MAPK10: variants seen among roughly 807,000 people sequenced by gnomAD.
MAPK10 encodes the protein mitogen-activated protein kinase 10.
Under a neutral mutation model 59.3 loss-of-function variants are expected in MAPK10, and 25 were observed. The observed-to-expected ratio is 0.42, with a 90% CI of 0.31 to 0.59. MAPK10 has a LOEUF of 0.59. MAPK10 is among the 20% of genes least tolerant of loss of function. The probability of loss-of-function intolerance (pLI) is 0.15; values close to 1 mark genes in which losing one functional copy is unlikely to be tolerated. For synonymous variants in MAPK10, 190 were observed against 200.5 expected, an observed-to-expected ratio of 0.95 and a Z score of 0.44; for missense variants, 351 against 568.9, an observed-to-expected ratio of 0.62 and a Z score of 3.90.
At chr4:86,258,243 C>A (rs1038573523) in intron 2 of MAPK10, among the ~76,000 whole-genome samples, 1 of 152,138 alleles carries the variant, frequency 6.6e-6, no homozygotes, top group Non-Finnish European at 1.5e-5. Context: ...CGAAAGTCAT[C>A]ATTTGCCTCT....
chr4:86,093,014 T>C (rs895307719), intron 9 of MAPK10, among the ~76,000 whole-genome samples: 3 of 152,040 alleles, frequency 2.0e-5, no homozygotes, highest in Non-Finnish European at 2.9e-5. Flanking sequence ...AGTGAGAACC[T>C]CTGAAAATCT....
intron 2 of MAPK10, among the ~76,000 whole-genome samples, chr4:86,238,689 T>A (rs2092476245): frequency 3.3e-5 from 5 of 152,228 alleles, no homozygotes; most frequent in Non-Finnish European, 1.5e-5. Flanking sequence ...TTTTTGCACA[T>A]TGATTTTGTA....
chr4:86,426,209 G>C (rs1052651141), intron 1 of MAPK10, among the ~76,000 whole-genome samples: 1 of 151,988 alleles, frequency 6.6e-6, no homozygotes, highest in Admixed American at 6.6e-5. Context: ...TGAATACAAC[G>C]CTAAAATTTT....
At chr4:86,436,816 G>T (rs2149044738) in intron 1 of MAPK10, among the ~76,000 whole-genome samples, 1 of 151,978 alleles carries the variant, frequency 6.6e-6, no homozygotes, top group African/African-American at 2.4e-5. Flanking sequence ...TTATTTCCCT[G>T]GTAGGGACCT....
chr4:86,359,246 T>C, intron 1 of MAPK10, among the ~76,000 whole-genome samples: 1 of 144,950 alleles, frequency 6.9e-6, no homozygotes, highest in Non-Finnish European at 1.5e-5. Flanking sequence ...AGCACAGCTG[T>C]TTGGTGTTTT....
chr4:86,198,963 G>A (rs919713171), intron 2 of MAPK10, among the ~76,000 whole-genome samples: 12 of 151,774 alleles, frequency 7.9e-5, no homozygotes, highest in Non-Finnish European at 1.6e-4. Flanking sequence ...AAATATATGC[G>A]TACCTTAAAA....
At chr4:86,415,667 A>G (rs1254227962) in intron 1 of MAPK10, among the ~76,000 whole-genome samples, 1 of 152,204 alleles carries the variant, frequency 6.6e-6, no homozygotes, top group Non-Finnish European at 1.5e-5. Context: ...AGCTAGCCCA[A>G]ATGGCTCAAA....
At chr4:86,130,627 T>C (rs2060835162) in intron 4 of MAPK10, among the ~76,000 whole-genome samples, 1 of 152,054 alleles carries the variant, frequency 6.6e-6, no homozygotes, top group Non-Finnish European at 1.5e-5. Context: ...GCAGGGAAAG[T>C]AGATTAAAGG....
intron 9 of MAPK10, among the ~76,000 whole-genome samples, chr4:86,076,698 T>A (rs2049560157): frequency 6.6e-6 from 1 of 152,134 alleles, no homozygotes; most frequent in Non-Finnish European, 1.5e-5. Context: ...ATATAGAAAA[T>A]AAGGTGATTT....
intron 1 of MAPK10, among the ~76,000 whole-genome samples, chr4:86,447,176 G>A (rs1296459250): frequency 6.6e-6 from 1 of 152,134 alleles, no homozygotes; most frequent in Non-Finnish European, 1.5e-5. Context: ...ATTGGATCAT[G>A]GGGGCAGTTT....
intron 1 of MAPK10, among the ~76,000 whole-genome samples, chr4:86,468,038 C>G (rs1036329216): frequency 2.6e-5 from 4 of 152,208 alleles, no homozygotes; most frequent in Admixed American, 2.0e-4. Flanking sequence ...GAACAAAATG[C>G]TTGCTAACCA....
chr4:86,128,739 AT>A (rs1328649283), intron 4 of MAPK10, among the ~76,000 whole-genome samples: 7 of 152,080 alleles, frequency 4.6e-5, no homozygotes, highest in Non-Finnish European at 8.8e-5. Context: ...TAAGAAGTAA[AT>A]TTTTTATTAT....
intron 2 of MAPK10, among the ~76,000 whole-genome samples, chr4:86,263,132 G>C (rs2094079241): frequency 6.6e-6 from 1 of 152,124 alleles, no homozygotes; most frequent in South Asian, 2.1e-4. Context: ...ACCATGTCAG[G>C]TGTATGAGTG....
At chr4:86,144,944 G>A (rs2064524316) in intron 4 of MAPK10, among the ~76,000 whole-genome samples, 1 of 152,062 alleles carries the variant, frequency 6.6e-6, no homozygotes, top group South Asian at 2.1e-4. Context: ...TATGGACACA[G>A]TAGCTAAGTC....
chr4:86,069,744 C>T (rs985980348), intron 9 of MAPK10, among the ~76,000 whole-genome samples: 1 of 151,972 alleles, frequency 6.6e-6, no homozygotes, highest in African/African-American at 2.4e-5. Flanking sequence ...TCTAACCACT[C>T]GATGTCAAAC....
intron 1 of MAPK10, among the ~76,000 whole-genome samples, chr4:86,574,148 A>G (rs1363772655): frequency 6.6e-6 from 1 of 151,746 alleles, no homozygotes; most frequent in East Asian, 1.9e-4. Context: ...GAGTGAGAAC[A>G]TGCGGTGTTT....
At chr4:86,035,734 C>G (rs143783476) in intron 11 of MAPK10, among the ~76,000 whole-genome samples, 1 of 152,140 alleles carries the variant, frequency 6.6e-6, no homozygotes, top group East Asian at 1.9e-4. Context: ...GGAAGATGAT[C>G]GTGTTGGTGA....
At chr4:86,274,204 T>C (rs2094508612) in intron 2 of MAPK10, among the ~76,000 whole-genome samples, 2 of 152,036 alleles carry the variant, frequency 1.3e-5, no homozygotes, top group African/African-American at 4.8e-5. Flanking sequence ...TAATAAGATA[T>C]TAATGTCATA....
At chr4:86,312,171 C>T (rs2148871807) in intron 2 of MAPK10, among the ~76,000 whole-genome samples, 1 of 152,168 alleles carries the variant, frequency 6.6e-6, no homozygotes, top group Non-Finnish European at 1.5e-5. Context: ...CACTGGTTAT[C>T]CAGTTTAAAT....
Sources: gnomAD v4.1 joint callset for allele counts (sites outside exome capture counted in the v4.1 genomes callset) on GRCh38, gnomAD v4.1.1 for gene constraint, MANE v1.5 for transcripts, NCBI Gene and HGNC (gene_info 2026-07-23, HGNC 2026-07-21) for gene names.